Variants in STK3 observed in about 807,000 individuals in gnomAD.
STK3 encodes the protein serine/threonine-protein kinase 3.
Under a neutral mutation model 58.0 loss-of-function variants are expected in STK3, and 41 were observed. The ratio of observed to expected loss-of-function variants is 0.71; its 90% CI spans 0.55 to 0.92. The LOEUF is 0.92. Among genes scored for constraint, STK3 ranks in the 40% least tolerant of loss-of-function variants. STK3 has a pLI of 0.00. For synonymous variants in STK3, 170 were observed against 191.0 expected, an observed-to-expected ratio of 0.89 and a Z score of 0.91; for missense variants, 479 against 602.7, an observed-to-expected ratio of 0.79 and a Z score of 2.15.
chr8:98,355,248 CT>C, the STK3 span, among the ~76,000 whole-genome samples: 1 of 152,152 alleles, frequency 6.6e-6, no homozygotes, highest in Non-Finnish European at 1.5e-5. Context: ...TAAGATGAGG[CT>C]GGAATTTTCT....
intron 9 of STK3, among the ~76,000 whole-genome samples, chr8:98,539,753 C>A (rs1201859167): frequency 1.3e-5 from 2 of 151,948 alleles, no homozygotes; most frequent in Non-Finnish European, 2.9e-5. Context: ...TTTCTCCACC[C>A]ATTCTTTTTT....
At chr8:98,722,375 G>A (rs1587421325) in intron 4 of STK3, among the ~76,000 whole-genome samples, 2 of 152,270 alleles carry the variant, frequency 1.3e-5, no homozygotes, top group East Asian at 3.9e-4. Context: ...CTTTGGACAA[G>A]AGAAATATCT....
intron 10 of STK3, among the ~76,000 whole-genome samples, chr8:98,501,343 A>C (rs1040371817): frequency 1.1e-4 from 16 of 149,042 alleles, no homozygotes; most frequent in African/African-American, 4.0e-4. Flanking sequence ...ATTTTCTTCC[A>C]CTCTGTAGAT....
intron 7 of STK3, among the ~76,000 whole-genome samples, chr8:98,589,874 G>A (rs993374191): frequency 6.6e-5 from 10 of 152,192 alleles, no homozygotes; most frequent in African/African-American, 1.4e-4. Flanking sequence ...GGTGCCGTCC[G>A]TCACTCCTTT....
intron 6 of STK3, among the ~76,000 whole-genome samples, chr8:98,665,924 C>T (rs566972513): frequency 1.3e-5 from 2 of 151,876 alleles, no homozygotes; most frequent in African/African-American, 2.4e-5. Flanking sequence ...AGGATGGTCT[C>T]GATCTCCTGA....
intron 3 of STK3, among the ~76,000 whole-genome samples, chr8:98,766,012 C>T (rs1433302967): frequency 6.6e-6 from 1 of 152,124 alleles, no homozygotes; most frequent in African/African-American, 2.4e-5. Flanking sequence ...ATGAGCACAC[C>T]CCAATGAGTT....
rs746314016 is a variant in STK3, at chr8:98,767,386, GA to G, written c.108-16del. The G allele has an allele frequency of 1.5e-5, 24 of 1,572,416 alleles. No homozygotes were observed. Among genetic ancestry groups the G allele is most frequent in the Non-Finnish European group, 2.1e-5 (24 of 1,167,686 alleles). Reference sequence around the variant, plus strand: ...TTCCATAAGACCTAAAAGAAACCAAGACATTATTTTTTTCCTATCAAACATC... The same window carrying G: ...TTCCATAAGACCTAAAAGAAACCAAGCATTATTTTTTTCCTATCAAACATC... On this transcript the variant is annotated splice_polypyrimidine_tract_variant and intron_variant, in intron 2 of 10. Transcript: ENST00000419617.
intron 1 of STK3, among the ~76,000 whole-genome samples, chr8:98,926,232 CTTG>C (rs1839788001): frequency 6.6e-6 from 1 of 152,112 alleles, no homozygotes; most frequent in South Asian, 2.1e-4. Flanking sequence ...CTGCAGGCTG[CTTG>C]GGTTTCTTTT....
chr8:98,934,961 T>C (rs1336466862), intron 1 of STK3, among the ~76,000 whole-genome samples: 4 of 138,036 alleles, frequency 2.9e-5, no homozygotes, highest in Non-Finnish European at 1.7e-5. Context: ...ATGACATATA[T>C]AAAGAGCAAA....
chr8:98,458,011 A>C (rs1411823421), intron 10 of STK3, among the ~76,000 whole-genome samples: 1 of 152,206 alleles, frequency 6.6e-6, no homozygotes, highest in Non-Finnish European at 1.5e-5. Flanking sequence ...ATTATCTAAC[A>C]TTATTAAGGA....
At chr8:98,434,002 AT>A (rs1818397459) in intron 3 of STK3, 1 of 152,210 alleles carries the variant, frequency 6.6e-6, no homozygotes, top group Non-Finnish European at 1.5e-5. Flanking sequence ...CTCTTTGCTC[AT>A]TTTGGTTTGT....
chr8:98,718,462 G>A (rs917543417), intron 4 of STK3, among the ~76,000 whole-genome samples: 2 of 152,062 alleles, frequency 1.3e-5, no homozygotes, highest in African/African-American at 4.8e-5. Context: ...CAGACTAGAT[G>A]GTCTGACTTG....
At chr8:98,413,563 A>T in intron 3 of STK3, 1 of 660,050 alleles carries the variant, frequency 1.5e-6, no homozygotes, top group Non-Finnish European at 2.9e-6. Context: ...TCAGAGACAG[A>T]TGACAACTTT....
intron 10 of STK3, among the ~76,000 whole-genome samples, chr8:98,508,222 T>A (rs1273874337): frequency 1.3e-5 from 2 of 152,144 alleles, no homozygotes; most frequent in Non-Finnish European, 2.9e-5. Flanking sequence ...AATATTTTAT[T>A]TCAGACTTCA....
upstream of STK3, among the ~76,000 whole-genome samples, chr8:98,828,457 AAAAAAAAAC>A (rs1835404283): frequency 6.6e-6 from 1 of 150,492 alleles, no homozygotes; most frequent in South Asian, 2.1e-4. Flanking sequence ...AAAAAAAAAA[AAAAAAAAAC>A]AAAAGAAATA....
chr8:98,445,644 G>A (rs1477664591), intron 1 of STK3, among the ~76,000 whole-genome samples: 1 of 152,004 alleles, frequency 6.6e-6, no homozygotes, highest in East Asian at 1.9e-4. Context: ...AATGCTGATG[G>A]CCTCAAGAAG....
At chr8:98,436,424 A>G (rs746860991) in intron 2 of STK3, among the ~76,000 whole-genome samples, 30 of 152,092 alleles carry the variant, frequency 2.0e-4, no homozygotes, top group Non-Finnish European at 3.7e-4. Flanking sequence ...GGAATTTCCC[A>G]CTTCACTCCA....
At chr8:98,691,354 A>T (rs1185752350) in intron 6 of STK3, among the ~76,000 whole-genome samples, 1 of 152,224 alleles carries the variant, frequency 6.6e-6, no homozygotes, top group African/African-American at 2.4e-5. Context: ...CATATATATG[A>T]TTTAATAAAA....
chr8:98,670,182 A>C (rs548429339), intron 6 of STK3, among the ~76,000 whole-genome samples: 2 of 152,308 alleles, frequency 1.3e-5, no homozygotes, highest in South Asian at 4.1e-4. Context: ...CAGCCTGGGC[A>C]ACATGGTGAA....
Sources: allele counts gnomAD v4.1 joint callset (sites outside exome capture counted in the v4.1 genomes callset), GRCh38; gene constraint gnomAD v4.1.1; transcripts MANE v1.5; gene names NCBI Gene and HGNC (gene_info 2026-07-23, HGNC 2026-07-21).